Variants in RPS6KA6 observed in about 807,000 individuals in gnomAD.
The protein encoded by RPS6KA6 is ribosomal protein S6 kinase alpha-6.
A neutral mutation model predicts 65.4 loss-of-function variants in RPS6KA6; 27 were observed. The ratio of observed to expected loss-of-function variants is 0.41; its 90% confidence interval spans 0.30 to 0.57. The LOEUF is 0.57. RPS6KA6 is among the 20% of genes least tolerant of loss of function. The probability of loss-of-function intolerance (pLI) is 0.24; values close to 1 mark genes in which losing one functional copy is unlikely to be tolerated. For missense variants in RPS6KA6, 486 were observed against 555.6 expected (o/e 0.87, Z 1.26); for synonymous variants, 190 against 184.2 (o/e 1.03, Z -0.26).
intron 12 of RPS6KA6, among the ~76,000 whole-genome samples, chrX:84,109,940 G>T (rs1386615753): frequency 9.0e-6 from 1 of 111,132 alleles, no homozygotes; most frequent in Admixed American, 9.6e-5. Flanking sequence ...GAGCTCAGAG[G>T]GACCCAACCA....
At chrX:84,095,788 T>A (rs1171088168) in intron 20 of RPS6KA6, among the ~76,000 whole-genome samples, 2 of 111,935 alleles carry the variant, frequency 1.8e-5, no homozygotes, top group Non-Finnish European at 3.8e-5. Context: ...ACATAGTCCA[T>A]TCATTCTCTA....
intron 20 of RPS6KA6, among the ~76,000 whole-genome samples, chrX:84,067,635 C>CGATTGACT (rs1462970001): frequency 8.9e-6 from 1 of 111,815 alleles, no homozygotes; most frequent in Non-Finnish European, 1.9e-5. Flanking sequence ...ATCAAATCTA[C>CGATTGACT]GATTGACTGA....
intron 20 of RPS6KA6, among the ~76,000 whole-genome samples, chrX:84,075,094 G>A (rs544560809): frequency 7.6e-4 from 84 of 110,910 alleles, no homozygotes; most frequent in African/African-American, 2.7e-3. Context: ...TTAGCTGGGC[G>A]TGGTGGTGCA....
chrX:84,156,008 G>A (rs1028978239), intron 3 of RPS6KA6, 67 bp downstream of exon 3: 64 of 573,456 alleles, frequency 1.1e-4, no homozygotes, highest in Non-Finnish European at 1.8e-4. Context: ...AGATTTCTAC[G>A]TATGTGTTCA....
At chrX:84,121,324 T>C (rs1352085140) in intron 8 of RPS6KA6, among the ~76,000 whole-genome samples, 1 of 112,223 alleles carries the variant, frequency 8.9e-6, no homozygotes, top group Non-Finnish European at 1.9e-5. Flanking sequence ...ACTACATCAT[T>C]ATAACTTACA....
chrX:84,095,187 T>C (rs570494727), intron 20 of RPS6KA6, among the ~76,000 whole-genome samples: 27 of 111,794 alleles, frequency 2.4e-4, no homozygotes, highest in Middle Eastern at 9.2e-3. Context: ...CTGACAATAA[T>C]CAGGATGCTG....
rs2034371389 is a variant in RPS6KA6, at chrX:84,106,938, G to C, written c.1214C>G (p.Thr405Arg). 8.5e-7 allele frequency: 1 copy of C among 1,183,043 alleles called. No individual in the cohort carries two copies. Among genetic ancestry groups the C allele is most frequent in the African/African-American group, 1.8e-5 (1 of 56,669 alleles). Residue 405 changes from threonine to arginine, a missense_variant, in exon 14 of 22, where the codon ACA becomes AGA. Around this residue, in one of 3 missense-constraint regions of RPS6KA6, gnomAD observed 345 missense variants for 375.0 expected, o/e 0.92. Transcript: ENST00000262752. ...IAEEYKITPI[T>R]SANVLPIVQI... is the part of the protein sequence containing the mutation. ...AACAATTGGTAATACATTTGCACTT[G>C]TGATAGGAGTGATTTTATATTCTTC...
At chrX:84,073,791 C>A (rs2033601384) in intron 20 of RPS6KA6, among the ~76,000 whole-genome samples, 1 of 109,623 alleles carries the variant, frequency 9.1e-6, no homozygotes, top group Non-Finnish European at 1.9e-5. Context: ...TGCTCAATAT[C>A]ACTAATTATC....
At chrX:84,102,241 T>G (rs1426966311) in intron 17 of RPS6KA6, 43 bp from the exon 18 acceptor site, 1 of 655,224 alleles carries the variant, frequency 1.5e-6, no homozygotes, top group East Asian at 4.3e-5. Context: ...TATAATTAAC[T>G]AAATATCTGA....
chrX:84,174,863 C>T (rs1406084852), intron 1 of RPS6KA6, among the ~76,000 whole-genome samples: 1 of 111,380 alleles, frequency 9.0e-6, no homozygotes, highest in Non-Finnish European at 1.9e-5. Context: ...ACATAATAGA[C>T]ACTGGAAAAA....
chrX:84,131,911 A>T (rs2034904816), intron 8 of RPS6KA6, among the ~76,000 whole-genome samples: 1 of 111,978 alleles, frequency 8.9e-6, no homozygotes, highest in South Asian at 3.7e-4. Flanking sequence ...TTAAAAGCAC[A>T]CTCAGAATAT....
In RPS6KA6 at chrX:84,105,151, T is replaced by A. The variant is rs1319314199; in HGVS notation, c.1456-494A>T. ...AAATAAGAAAAGTATTTATACACTT[T>A]TCACTCAGGGCATGTATGATAAACA... On this transcript the variant is annotated intron_variant, in intron 16 of 21. Coordinates refer to ENST00000262752, the MANE Select transcript of RPS6KA6 (RefSeq NM_014496.5). Among the ~76,000 whole-genome samples the A allele has an allele frequency of 3.7e-5, 4 of 109,448 alleles. No homozygotes were observed. In the Admixed American group the frequency reaches 4.0e-4, roughly 11 times the overall value.
intron 4 of RPS6KA6, among the ~76,000 whole-genome samples, chrX:84,147,657 GATC>G (rs1302614564): frequency 9.0e-6 from 1 of 111,486 alleles, no homozygotes; most frequent in East Asian, 2.8e-4. Context: ...GATTAAAACT[GATC>G]ATAAGCGGTA....
intron 9 of RPS6KA6, among the ~76,000 whole-genome samples, 196 bp from the exon 10 acceptor site, chrX:84,117,650 T>C (rs2034594452): frequency 9.0e-6 from 1 of 111,138 alleles, no homozygotes; most frequent in Non-Finnish European, 1.9e-5. Context: ...TCTCTATATA[T>C]ATAGCTCAAC....
chrX:84,106,406 G>A lies in RPS6KA6; in HGVS notation c.1324C>T (p.Arg442Ter). 1.7e-6 allele frequency: 2 copies of A among 1,193,377 alleles called. No homozygotes were observed. Among genetic ancestry groups the A allele is most frequent in the Non-Finnish European group, 2.3e-6 (2 of 881,804 alleles). Residue 442 changes from arginine (R) to a stop codon, truncating the protein, a stop_gained, in exon 15 of 22, where the codon CGA becomes TGA. Coordinates refer to ENST00000262752, the MANE Select transcript of RPS6KA6 (RefSeq NM_014496.5). LOFTEE classifies it high-confidence loss of function. ...IGVGSYSVCK[R>*]CIHATTNMEF... is the part of the protein sequence containing the mutation. ...ATGTTGGTAGTTGCATGTATGCATC[G>A]CTTGCAAACAGAGTAGGAGCCAACA...
chrX:84,121,751 C>G (rs1175037809), intron 8 of RPS6KA6, among the ~76,000 whole-genome samples: 1 of 112,005 alleles, frequency 8.9e-6, no homozygotes, highest in African/African-American at 3.2e-5. Flanking sequence ...AAATAATTAA[C>G]TCAAAATGGA....
At chrX:84,164,974 A>G (rs1241861679) in intron 1 of RPS6KA6, among the ~76,000 whole-genome samples, 1 of 111,710 alleles carries the variant, frequency 9.0e-6, no homozygotes, top group African/African-American at 3.3e-5. Context: ...TAGAAGACTT[A>G]GATCAAGGTT....
At chrX:84,109,150 A>G (rs2147442377) in intron 12 of RPS6KA6, among the ~76,000 whole-genome samples, 1 of 112,467 alleles carries the variant, frequency 8.9e-6, no homozygotes, top group South Asian at 3.7e-4. Context: ...CTGCTCCTTC[A>G]GGAGGGAAGT....
chrX:84,167,907 A>T (rs1354875277), intron 1 of RPS6KA6, among the ~76,000 whole-genome samples: 1 of 111,105 alleles, frequency 9.0e-6, no homozygotes, highest in Non-Finnish European at 1.9e-5. Context: ...AAAAAGAGTG[A>T]ATTTTACTAT....
Sources: allele counts gnomAD v4.1 joint callset (sites outside exome capture counted in the v4.1 genomes callset), GRCh38; gene constraint gnomAD v4.1.1; regional missense constraint gnomAD v4.1.1; transcripts MANE v1.5; gene names NCBI Gene and HGNC (gene_info 2026-07-23, HGNC 2026-07-21).